The following ZEB2 variants were observed in gnomAD, a reference collection of about 807,000 sequenced individuals.
ZEB2 encodes the protein zinc finger E-box binding homeobox 2, also known as zinc finger E-box-binding homeobox 2.
Under a neutral mutation model 99.9 loss-of-function variants are expected in ZEB2, and 6 were observed. The observed-to-expected ratio is 0.06, with a 90% CI of 0.03 to 0.12. The LOEUF is 0.12. ZEB2 is among the 10% of genes least tolerant of loss of function. The pLI, the probability that ZEB2 is intolerant of heterozygous loss-of-function variation, is 1.00. For synonymous variants in ZEB2, 517 were observed against 542.5 expected, an observed-to-expected ratio of 0.95 and a Z score of 0.65; for missense variants, 969 against 1,502.8, an observed-to-expected ratio of 0.64 and a Z score of 5.87.
intron 2 of ZEB2, among the ~76,000 whole-genome samples, chr2:144,432,012 A>C (rs1341881043): frequency 3.3e-5 from 5 of 152,026 alleles, no homozygotes; most frequent in African/African-American, 4.8e-5. Context: ...AAAAAAAAAA[A>C]AAAACCCATG....
rs139773708 is a variant in ZEB2 at position 144,435,113 on chromosome 2, C to T, written c.74-5087G>A. Among the ~76,000 whole-genome samples the T allele has an allele frequency of 5.3e-5, 8 of 152,070 alleles. No homozygotes were observed. The East Asian group carries it at 1.2e-3, about 22-fold the overall frequency. On this transcript the variant is annotated intron_variant, in intron 2 of 9. Transcript: ENST00000627532. Reference sequence around the variant, plus strand: ...CTGGTGCTGCAATGTGTGGTGGCTACGAGGAAAAAGGAAGATTTGAACTTG... The same window carrying T: ...CTGGTGCTGCAATGTGTGGTGGCTATGAGGAAAAAGGAAGATTTGAACTTG...
chr2:144,389,770 T>C lies in ZEB2; in HGVS notation c.3326A>G (p.Asn1109Ser). ...GGTAATGCTCTGCAAGTAAGCCCGG[T>C]TCATCAGCAGCTCGGTGGGTTCCAA... ...GHLEPTELLM[N>S]RAYLQSITPQ... Residue 1109 changes from asparagine (N) to serine (S), a missense_variant, in exon 10 of 10, where the codon AAC becomes AGC. Coordinates refer to ENST00000627532, the MANE Select transcript of ZEB2 (RefSeq NM_014795.4). This position sits in a 1 kb window ranked among gnomAD's most constrained non-coding sequence, Gnocchi z 6.8. 5 of 1,608,896 alleles carry C rather than the reference T, an allele frequency of 3.1e-6. No homozygotes were observed. Among genetic ancestry groups the C allele is most frequent in the Non-Finnish European group, 4.3e-6 (5 of 1,176,438 alleles).
chr2:144,417,399 T>C (rs1703555146), intron 4 of ZEB2, among the ~76,000 whole-genome samples: 1 of 152,202 alleles, frequency 6.6e-6, no homozygotes, highest in Non-Finnish European at 1.5e-5. Flanking sequence ...CGTTTTTGTT[T>C]ATTGGTTGTT....
At chr2:144,484,846 G>GA (rs142840447) in intron 2 of ZEB2, among the ~76,000 whole-genome samples, 77 of 145,730 alleles carry the variant, frequency 5.3e-4, no homozygotes, top group Admixed American at 8.9e-4. Context: ...AAATTATGAA[G>GA]AAAAAAAAAA....
intron 4 of ZEB2, among the ~76,000 whole-genome samples, chr2:144,405,555 C>G (rs1703374985): frequency 6.6e-6 from 1 of 151,732 alleles, no homozygotes; most frequent in South Asian, 2.1e-4. Flanking sequence ...ACTACATAGT[C>G]TGAGACAGAT....
intron 4 of ZEB2, among the ~76,000 whole-genome samples, chr2:144,417,640 T>C (rs913895408): frequency 5.3e-5 from 8 of 152,206 alleles, no homozygotes. Context: ...TCATTATCCA[T>C]TCATCTGTTG....
chr2:144,397,192 A>T (rs1328926836), intron 8 of ZEB2, among the ~76,000 whole-genome samples: 1 of 152,216 alleles, frequency 6.6e-6, no homozygotes, highest in South Asian at 2.1e-4. Flanking sequence ...GGATCAGTAA[A>T]TTATTAAATT....
intron 2 of ZEB2, chr2:144,512,808 G>C (rs76072181): frequency 1.6e-6 from 2 of 1,287,018 alleles, no homozygotes; most frequent in Admixed American, 4.6e-5. Flanking sequence ...TGTGTGCAGC[G>C]TGACAAAACT....
In ZEB2 at chr2:144,384,451, C is replaced by G. The variant is rs1382426213; in HGVS notation, c.*5000G>C. Reference sequence around the variant, plus strand: ...CTGAAACAGAGGCCCTCTGAAACATCAGACCCAAAAAATTGGACACAGCCT... The same window carrying G: ...CTGAAACAGAGGCCCTCTGAAACATGAGACCCAAAAAATTGGACACAGCCT... On this transcript the variant is annotated 3_prime_UTR_variant, in exon 10 of 10. Transcript: ENST00000627532. 6.6e-6 allele frequency: 1 copy of G among 152,046 alleles called. No homozygotes were observed. Among genetic ancestry groups the G allele is most frequent in the Non-Finnish European group, 1.5e-5 (1 of 67,974 alleles). 9.4% of individuals were successfully genotyped at this position (152,046 alleles called of 1,614,324 possible). A position where few individuals can be genotyped will look rare whatever the true frequency, so the allele number is the denominator to read the frequency against.
intron 2 of ZEB2, chr2:144,455,039 G>A (rs1240279774): frequency 1.3e-5 from 2 of 152,068 alleles, no homozygotes; most frequent in African/African-American, 2.4e-5. Flanking sequence ...CCCCTCAAAC[G>A]CTGCAAAGTT....
At chr2:144,443,992 C>T (rs1703951192) in intron 2 of ZEB2, among the ~76,000 whole-genome samples, 1 of 152,190 alleles carries the variant, frequency 6.6e-6, no homozygotes, top group Non-Finnish European at 1.5e-5. Flanking sequence ...ATGGTGACAG[C>T]AGCCATTCCA....
At chr2:144,507,787 C>G (rs1704971111) in intron 2 of ZEB2, among the ~76,000 whole-genome samples, 1 of 152,130 alleles carries the variant, frequency 6.6e-6, no homozygotes, top group Admixed American at 6.5e-5. Flanking sequence ...CTGTCAGAAG[C>G]CTGAAAAAAT....
chr2:144,498,060 T>C (rs1221165903), intron 2 of ZEB2, among the ~76,000 whole-genome samples: 2 of 74,372 alleles, frequency 2.7e-5, no homozygotes, highest in Non-Finnish European at 5.0e-5. Flanking sequence ...TATTATATAA[T>C]ATATATTAAT....
rs1278056544 is a variant in ZEB2, at chr2:144,517,169, G to GGGCGCC, written c.73+103_73+108dup. 33 of 1,453,634 alleles carry GGGCGCC rather than the reference G, an allele frequency of 2.3e-5. No homozygotes were observed. The African/African-American group carries it at 4.1e-4, about 18-fold the overall frequency. 90.0% of individuals were successfully genotyped at this position (1,453,634 alleles called of 1,614,324 possible). Reference sequence around the variant, plus strand: ...GGAGGGAGGCTCGCCCTAGAGCCCTGGGCGCCGCCGCCGCCGCCGCCTCGG... The same window carrying GGGCGCC: ...GGAGGGAGGCTCGCCCTAGAGCCCTGGGCGCCGGCGCCGCCGCCGCCGCCGCCTCGG... On this transcript the variant is annotated intron_variant, in intron 2 of 9. Coordinates refer to ENST00000627532, the MANE Select transcript of ZEB2 (RefSeq NM_014795.4).
chr2:144,489,966 T>A (rs540302655), intron 2 of ZEB2, among the ~76,000 whole-genome samples: 3 of 152,240 alleles, frequency 2.0e-5, no homozygotes, highest in African/African-American at 7.2e-5. Flanking sequence ...GTTAACATGT[T>A]GTCAGAGAGA....
intron 2 of ZEB2, among the ~76,000 whole-genome samples, chr2:144,447,070 A>G (rs1366386163): frequency 6.6e-6 from 1 of 152,134 alleles, no homozygotes; most frequent in East Asian, 1.9e-4. Flanking sequence ...CAGTCAACTG[A>G]TTTTAAAGTT....
intron 2 of ZEB2, among the ~76,000 whole-genome samples, chr2:144,503,034 A>C (rs1468650048): frequency 6.6e-6 from 1 of 152,202 alleles, no homozygotes; most frequent in Non-Finnish European, 1.5e-5. Flanking sequence ...GTTGGAAATA[A>C]ATAATGACTT....
chr2:144,505,860 G>A (rs1336821121), intron 2 of ZEB2, among the ~76,000 whole-genome samples: 4 of 152,040 alleles, frequency 2.6e-5, no homozygotes, highest in African/African-American at 7.2e-5. Context: ...CTAAGTGTTC[G>A]GTATGGTTTT....
chr2:144,515,182 TC>T (rs1226901590), intron 2 of ZEB2, among the ~76,000 whole-genome samples: 4 of 150,614 alleles, frequency 2.7e-5, no homozygotes, highest in Non-Finnish European at 5.9e-5. Context: ...TTGTTTTAAA[TC>T]TCATTCTCTT....
Sources: gnomAD v4.1 joint callset for allele counts (sites outside exome capture counted in the v4.1 genomes callset) on GRCh38, gnomAD v4.1.1 for gene constraint, Gnocchi (gnomAD v3.1) non-coding constraint, MANE v1.5 for transcripts, NCBI Gene and HGNC (gene_info 2026-07-23, HGNC 2026-07-21) for gene names.